The following AMPH variants were observed in gnomAD, a reference collection of about 807,000 sequenced individuals.
AMPH encodes the protein amphiphysin (Stiff-Mann syndrome with breast cancer 128kD autoantigen).
AMPH carries 49 observed loss-of-function variants against 99.1 expected under a neutral mutation model. The observed-to-expected ratio is 0.49, with a 90% CI of 0.39 to 0.63. The LOEUF is 0.63. Among genes scored for constraint, AMPH ranks in the 20% least tolerant of loss-of-function variants. The pLI is 0.00. For synonymous variants in AMPH, 314 were observed against 317.3 expected, an observed-to-expected ratio of 0.99 and a Z score of 0.11; for missense variants, 759 against 863.4, an observed-to-expected ratio of 0.88 and a Z score of 1.52.
chr7:38,429,119 A>G (rs1383921542), intron 14 of AMPH: 2 of 1,290,168 alleles, frequency 1.6e-6, no homozygotes, highest in South Asian at 2.5e-5. Context: ...CTTCCTCTTC[A>G]TCTGACTTCT....
chr7:38,626,068 T>C (rs1337723287), intron 1 of AMPH, among the ~76,000 whole-genome samples: 2 of 152,260 alleles, frequency 1.3e-5, no homozygotes, highest in South Asian at 2.1e-4. Context: ...TGTATAAGCA[T>C]ATTTTTGAGA....
At chr7:38,392,323 G>C (rs1176752513) in intron 18 of AMPH, among the ~76,000 whole-genome samples, 1 of 151,616 alleles carries the variant, frequency 6.6e-6, no homozygotes, top group East Asian at 1.9e-4. Context: ...TGAAGGGTGA[G>C]GGAGGCCATC....
At chr7:38,479,702 T>C (rs1788219364) in intron 5 of AMPH, among the ~76,000 whole-genome samples, 1 of 152,096 alleles carries the variant, frequency 6.6e-6, no homozygotes, top group African/African-American at 2.4e-5. Context: ...TTAAACCTAA[T>C]ATGTTAAAGA....
intron 5 of AMPH, among the ~76,000 whole-genome samples, chr7:38,482,601 A>G (rs1788329227): frequency 6.6e-6 from 1 of 152,120 alleles, no homozygotes; most frequent in South Asian, 2.1e-4. Context: ...ATAGTACAAT[A>G]ACTAAGATCT....
chr7:38,572,670 A>G (rs1792092196), intron 1 of AMPH, among the ~76,000 whole-genome samples: 1 of 152,228 alleles, frequency 6.6e-6, no homozygotes, highest in Non-Finnish European at 1.5e-5. Flanking sequence ...GTCCATGGGA[A>G]GCTGCTGGTA....
intron 1 of AMPH, among the ~76,000 whole-genome samples, chr7:38,592,301 G>A (rs1014867418): frequency 1.2e-4 from 18 of 152,164 alleles, no homozygotes; most frequent in Non-Finnish European, 2.5e-4. Context: ...GCCAGTTTTG[G>A]GGCCAGTTTA....
chr7:38,422,587 T>TATCTATCC lies in AMPH; in HGVS notation c.1216-111_1216-110insGGATAGAT, dbSNP rs1785622330. 9.0e-5 allele frequency: 62 copies of TATCTATCC among 692,016 alleles called. No homozygotes were observed. In the South Asian group the frequency reaches 1.1e-3, roughly 12 times the overall value. The allele number at this position is 692,016 out of a possible 1,614,324, so 42.9% of individuals were successfully genotyped here. ...CTATCTATCTATCTATCTATCTATCTATCTATCTATCTATCCATCTATCTA... is the reference window on the plus strand; with the variant it reads ...CTATCTATCTATCTATCTATCTATCTATCTATCCATCTATCTATCTATCCATCTATCTA... On this transcript the variant is annotated intron_variant, in intron 15 of 20. Transcript: ENST00000356264.
chr7:38,558,184 T>A (rs571907128), intron 1 of AMPH, among the ~76,000 whole-genome samples: 12 of 152,304 alleles, frequency 7.9e-5, no homozygotes, highest in African/African-American at 2.9e-4. Context: ...TCCTGAACAC[T>A]CTAAGCACAG....
At chr7:38,564,522 C>T (rs1791660241) in intron 1 of AMPH, among the ~76,000 whole-genome samples, 1 of 152,238 alleles carries the variant, frequency 6.6e-6, no homozygotes, top group Admixed American at 6.5e-5. Flanking sequence ...AGAGCTGGTG[C>T]CCAAAGACCA....
Position 38,491,106 on chromosome 7 carries a change from C to G in AMPH, c.340G>C (p.Val114Leu), listed in dbSNP as rs1167299845. The change falls in exon 5 of 21, where the codon GTG becomes CTG. Residue 114 changes from valine (V) to leucine (L), a missense_variant. Val to Leu is a conservative substitution (Grantham distance 32). Transcript: ENST00000356264. The stretch of plus-strand genomic sequence containing the variant: ...TCCAGTGTTAGCAAGGACCCATCCA[C>G]GAGTTTTTGATGGAAGTCTTCCCAC... ...VLWEDFHQKL[V>L]DGSLLTLDTY... 2 of 1,613,094 alleles carry G rather than the reference C, an allele frequency of 1.2e-6. No homozygotes were observed. Among genetic ancestry groups the G allele is most frequent in the Non-Finnish European group, 1.7e-6 (2 of 1,179,292 alleles).
intron 1 of AMPH, among the ~76,000 whole-genome samples, chr7:38,583,279 G>C (rs1024890438): frequency 2.0e-5 from 3 of 152,176 alleles, no homozygotes; most frequent in Non-Finnish European, 4.4e-5. Flanking sequence ...TGACACCTCT[G>C]AGACTTTATT....
intron 7 of AMPH, among the ~76,000 whole-genome samples, chr7:38,470,872 A>C (rs982096159): frequency 6.6e-6 from 1 of 152,206 alleles, no homozygotes; most frequent in Admixed American, 6.5e-5. Flanking sequence ...CTAAACATCC[A>C]AACTATAGTC....
At chr7:38,624,428 T>G (rs1310888971) in intron 1 of AMPH, among the ~76,000 whole-genome samples, 3 of 151,916 alleles carry the variant, frequency 2.0e-5, no homozygotes, top group Non-Finnish European at 4.4e-5. Flanking sequence ...TGGAGTTCGC[T>G]CTGTCGCCCA....
intron 2 of AMPH, among the ~76,000 whole-genome samples, chr7:38,507,008 G>GCT (rs1789352448): frequency 6.6e-6 from 1 of 152,302 alleles, no homozygotes; most frequent in Admixed American, 6.5e-5. Context: ...CACCAGGATT[G>GCT]CTCAGAATAT....
At chr7:38,512,818 A>C (rs1350653488) in intron 2 of AMPH, among the ~76,000 whole-genome samples, 2 of 152,212 alleles carry the variant, frequency 1.3e-5, no homozygotes, top group Admixed American at 1.3e-4. Context: ...AAATAAAATA[A>C]ATAAGAATAA....
chr7:38,500,682 C>G (rs532415084), intron 3 of AMPH, among the ~76,000 whole-genome samples: 1 of 152,306 alleles, frequency 6.6e-6, no homozygotes, highest in East Asian at 1.9e-4. Flanking sequence ...CAGAAAAAGT[C>G]CTGTGCTTGA....
intron 5 of AMPH, among the ~76,000 whole-genome samples, chr7:38,479,078 T>A (rs1043515657): frequency 3.9e-5 from 6 of 151,978 alleles, no homozygotes; most frequent in Admixed American, 2.6e-4. Flanking sequence ...AAATTTTTTT[T>A]AAATAATGAA....
At chr7:38,506,400 C>G (rs1267987961) in intron 2 of AMPH, among the ~76,000 whole-genome samples, 1 of 152,096 alleles carries the variant, frequency 6.6e-6, no homozygotes, top group Non-Finnish European at 1.5e-5. Flanking sequence ...GAACGGTTCA[C>G]AAATGGAAGC....
intron 11 of AMPH, among the ~76,000 whole-genome samples, chr7:38,441,565 A>G (rs1786505456): frequency 6.6e-6 from 1 of 151,798 alleles, no homozygotes; most frequent in Non-Finnish European, 1.5e-5. Context: ...AATAAACACA[A>G]TGGAACCTCT....
Sources: gnomAD v4.1 joint callset for allele counts (sites outside exome capture counted in the v4.1 genomes callset) on GRCh38, gnomAD v4.1.1 for gene constraint, MANE v1.5 for transcripts, NCBI Gene and HGNC (gene_info 2026-07-23, HGNC 2026-07-21) for gene names.